EIF2B3: variants seen among roughly 807,000 people sequenced by gnomAD.
EIF2B3 encodes eukaryotic translation initiation factor 2B subunit gamma, also known as translation initiation factor eIF2B subunit gamma.
A neutral mutation model predicts 54.1 loss-of-function variants in EIF2B3; 20 were observed. That is an observed-to-expected ratio of 0.37 (90% CI 0.26 to 0.54). The LOEUF is 0.54. EIF2B3 is among the 20% of genes least tolerant of loss of function. The pLI is 0.86. For synonymous variants in EIF2B3, 153 were observed against 188.1 expected (o/e 0.81, Z 1.52); for missense variants, 448 against 547.8 (o/e 0.82, Z 1.82).
chr1:44,928,447 A>T (rs1276201347), intron 4 of EIF2B3, among the ~76,000 whole-genome samples: 2 of 152,030 alleles, frequency 1.3e-5, no homozygotes, highest in African/African-American at 4.8e-5. Context: ...ACTCCATCTC[A>T]ATAAATAAAT....
rs1036525291 is a variant in EIF2B3 at position 44,984,072 on chromosome 1, A to C, written c.-10+2421T>G. 6.6e-5 allele frequency among the ~76,000 whole-genome samples: 10 copies of C among 152,060 alleles called. No homozygotes were observed. In the South Asian group the frequency reaches 1.7e-3, roughly 25 times the overall value. On this transcript the variant is annotated intron_variant, in intron 1 of 11. Coordinates refer to ENST00000360403, the MANE Select transcript of EIF2B3 (RefSeq NM_020365.5). ...CAGGCACCCGTAATCCCAGCTACTC[A>C]GGTGGCTGAGGCAGGAGAATCACAG...
Position 44,888,285 on chromosome 1 carries a change from C to T in EIF2B3, c.657-6546G>A, listed in dbSNP as rs556087210. Among the ~76,000 whole-genome samples, 299 of 149,754 alleles carry T rather than the reference C, an allele frequency of 2.0e-3. 1 individual carries two copies. The highest frequency in any genetic ancestry group is 6.9e-3 in the African/African-American group (283 of 41,130). Reference sequence around the variant, plus strand: ...CAGGTCCCCCATGCAGCCGTTTGGGCGGCAACTTACAAAATTTAGAGGATT... The same window carrying T: ...CAGGTCCCCCATGCAGCCGTTTGGGTGGCAACTTACAAAATTTAGAGGATT... On this transcript the variant is annotated intron_variant, in intron 6 of 11. Coordinates refer to ENST00000360403, the MANE Select transcript of EIF2B3 (RefSeq NM_020365.5).
intron 3 of EIF2B3, among the ~76,000 whole-genome samples, chr1:44,946,795 A>G (rs539823437): frequency 6.6e-6 from 1 of 152,146 alleles, no homozygotes; most frequent in East Asian, 1.9e-4. Flanking sequence ...GAAAGAAATG[A>G]TCATTGTTTT....
At chr1:44,870,913 GCTGGGACTA>G (rs1359711800) in intron 10 of EIF2B3, among the ~76,000 whole-genome samples, 1 of 152,182 alleles carries the variant, frequency 6.6e-6, no homozygotes, top group Non-Finnish European at 1.5e-5. Flanking sequence ...CTCCCAAAGT[GCTGGGACTA>G]CAGGCATGAG....
chr1:44,892,661 T>C (rs1655835466), intron 6 of EIF2B3, among the ~76,000 whole-genome samples: 1 of 152,136 alleles, frequency 6.6e-6, no homozygotes, highest in South Asian at 2.1e-4. Context: ...CTAATATTAC[T>C]AATATTTCTA....
intron 8 of EIF2B3, among the ~76,000 whole-genome samples, chr1:44,875,901 C>T (rs1655113024): frequency 6.6e-6 from 1 of 152,254 alleles, no homozygotes. Context: ...TCTCCTGCCT[C>T]AGCCTGCCGA....
At chr1:44,920,030 TTTTC>T (rs1412984374) in intron 5 of EIF2B3, among the ~76,000 whole-genome samples, 4 of 148,662 alleles carry the variant, frequency 2.7e-5, no homozygotes, top group Admixed American at 6.8e-5. Context: ...TGAATGTCCT[TTTTC>T]TTTCTTTTTT....
At chr1:44,851,221 C>G (rs1170330742) in intron 11 of EIF2B3, among the ~76,000 whole-genome samples, 1 of 152,022 alleles carries the variant, frequency 6.6e-6, no homozygotes, top group Admixed American at 6.6e-5. Flanking sequence ...CCCGCCACCA[C>G]GCCTGGCTAA....
intron 5 of EIF2B3, among the ~76,000 whole-genome samples, chr1:44,903,093 T>G (rs1280290746): frequency 6.6e-6 from 1 of 152,044 alleles, no homozygotes; most frequent in Non-Finnish European, 1.5e-5. Flanking sequence ...CTTTGAACTT[T>G]TCTGAGATTT....
chr1:44,945,468 G>C (rs187201266), intron 3 of EIF2B3, among the ~76,000 whole-genome samples: 21 of 151,624 alleles, frequency 1.4e-4, no homozygotes, highest in Non-Finnish European at 3.1e-4. Context: ...GCAGGAGAAT[G>C]GCATGAACCC....
intron 8 of EIF2B3, among the ~76,000 whole-genome samples, chr1:44,877,192 T>TAAAAAAAAAAAAAAAAAAAA (rs768263508): frequency 1.9e-5 from 1 of 52,056 alleles, no homozygotes; most frequent in African/African-American, 8.9e-5. Context: ...GAATGATCAA[T>TAAAAAAAAAAAAAAAAAAAA]AAAAAAAAAA....
At chr1:44,917,494 CAAAA>C (rs1351668302) in intron 5 of EIF2B3, among the ~76,000 whole-genome samples, 2 of 76,804 alleles carry the variant, frequency 2.6e-5, no homozygotes, top group Admixed American at 1.5e-4. Context: ...AACTCCATCT[CAAAA>C]AAAAAAAAAA....
At chr1:44,939,101 C>CAAAAAAAAAAAAAAAAAAAAA (rs35410499) in intron 4 of EIF2B3, among the ~76,000 whole-genome samples, 1 of 56,302 alleles carries the variant, frequency 1.8e-5, no homozygotes, top group Non-Finnish European at 3.4e-5. Flanking sequence ...GACCCTGTCT[C>CAAAAAAAAAAAAAAAAAAAAA]AAAAAAAAAA....
At chr1:44,958,551 C>T in intron 3 of EIF2B3, 1 of 1,394,320 alleles carries the variant, frequency 7.2e-7, no homozygotes, top group Non-Finnish European at 1.0e-6. Flanking sequence ...ACCTCACTAT[C>T]CTATTATGTC....
At chr1:44,853,483 C>T (rs931057361) in intron 11 of EIF2B3, among the ~76,000 whole-genome samples, 1 of 152,084 alleles carries the variant, frequency 6.6e-6, no homozygotes, top group South Asian at 2.1e-4. Context: ...TGGCATATGC[C>T]TGTGGTCTCA....
rs143510626 is a variant in EIF2B3 at position 44,884,713 on chromosome 1, A to C, written c.657-2974T>G. 3.3e-3 allele frequency among the ~76,000 whole-genome samples: 502 copies of C among 152,336 alleles called. 4 individuals carry two copies. Among genetic ancestry groups the C allele is most frequent in the African/African-American group, 0.011 (461 of 41,580 alleles). ...AAATGTTCCTCCTCCATTGGAAAAC[A>C]AGTCAGTTCCCTTTGAAGAAGTGAC... On this transcript the variant is annotated intron_variant, in intron 6 of 11. Coordinates refer to ENST00000360403, the MANE Select transcript of EIF2B3 (RefSeq NM_020365.5).
intron 3 of EIF2B3, among the ~76,000 whole-genome samples, chr1:44,954,196 G>A (rs752831880): frequency 5.3e-5 from 8 of 152,110 alleles, no homozygotes; most frequent in South Asian, 4.1e-4. Context: ...GATGAATTAC[G>A]AAATCAATAG....
At chr1:44,900,445 C>CAAAAAAAAAAAA in intron 5 of EIF2B3, among the ~76,000 whole-genome samples, 1 of 43,570 alleles carries the variant, frequency 2.3e-5, no homozygotes, top group Non-Finnish European at 4.4e-5. Context: ...AGAATCATCT[C>CAAAAAAAAAAAA]AAAAAAAAAA....
intron 3 of EIF2B3, among the ~76,000 whole-genome samples, chr1:44,955,108 G>C (rs1644207926): frequency 6.6e-6 from 1 of 152,094 alleles, no homozygotes; most frequent in African/African-American, 2.4e-5. Flanking sequence ...CATGCTACCT[G>C]ACTTCAAACT....
Sources: gnomAD v4.1 joint callset for allele counts (sites outside exome capture counted in the v4.1 genomes callset) on GRCh38, gnomAD v4.1.1 for gene constraint, MANE v1.5 for transcripts, NCBI Gene and HGNC (gene_info 2026-07-23, HGNC 2026-07-21) for gene names.